CSGALNACT1: variants seen among roughly 807,000 people sequenced by gnomAD.
CSGALNACT1 encodes beta4GalNAcT-1.
CSGALNACT1 carries 52 observed loss-of-function variants against 51.0 expected under a neutral mutation model. The observed-to-expected ratio is 1.02, with a 90% CI of 0.82 to 1.29. CSGALNACT1 has a LOEUF of 1.29. Ranked by LOEUF, CSGALNACT1 falls within the 50% of genes most tolerant of loss-of-function variation. CSGALNACT1 has a pLI of 0.00. For synonymous variants in CSGALNACT1, 341 were observed against 254.4 expected, an observed-to-expected ratio of 1.34 and a Z score of -3.24; for missense variants, 935 against 679.2, an observed-to-expected ratio of 1.38 and a Z score of -4.19.
In CSGALNACT1 at chr8:19,703,645, C is replaced by A. The variant is rs145275560; in HGVS notation, c.-297+54205G>T. 2.5e-3 allele frequency among the ~76,000 whole-genome samples: 375 copies of A among 152,246 alleles called. 7 individuals carry two copies. The East Asian group carries it at 0.054, about 22-fold the overall frequency. ...TAGTGCTCCTCAGACCTTCAGGTAA[C>A]TGGAGAGTTGGTTACTACTGACTGC... On this transcript the variant is annotated intron_variant, in intron 1 of 1. Transcript: ENST00000517494.
chr8:19,703,868 T>C (rs184318336), intron 1 of CSGALNACT1, among the ~76,000 whole-genome samples: 2 of 152,284 alleles, frequency 1.3e-5, no homozygotes, highest in East Asian at 1.9e-4. Flanking sequence ...AAACTGCCCA[T>C]GCACTGGCTT....
At chr8:19,420,828 T>C (rs1175161558) in intron 6 of CSGALNACT1, among the ~76,000 whole-genome samples, 2 of 152,202 alleles carry the variant, frequency 1.3e-5, no homozygotes, top group African/African-American at 4.8e-5. Context: ...TTGAACCAGG[T>C]AAGACTAGAA....
At position 19,505,711 on chromosome 8, in the gene CSGALNACT1, G is replaced by A. The variant is rs1349315628; in HGVS notation, c.124C>T (p.Gln42Ter). The stretch of plus-strand genomic sequence containing the variant: ...CTGTTGGCCCTGGGCAGTGCCAGCT[G>A]CTCCTCGTCACCTTTTGGGGTGCAG... Residue 42 changes from glutamine (Q) to a stop codon, truncating the protein, a stop_gained, in exon 4 of 10, where the codon CAG becomes TAG. Coordinates refer to ENST00000454498, the Ensembl canonical transcript of CSGALNACT1. LOFTEE classifies it high-confidence loss of function. The A allele has an allele frequency of 1.2e-6, 2 of 1,614,202 alleles. No individual in the cohort carries two copies. The highest frequency in any genetic ancestry group is 1.7e-6 in the Non-Finnish European group (2 of 1,180,048).
chr8:19,536,323 T>G (rs2083737452), intron 3 of CSGALNACT1, among the ~76,000 whole-genome samples: 1 of 137,638 alleles, frequency 7.3e-6, no homozygotes, highest in Non-Finnish European at 1.5e-5. Context: ...TGCTCTGAAC[T>G]TCAAAATTTT....
chr8:19,677,110 C>T (rs1398837161), intron 1 of CSGALNACT1, among the ~76,000 whole-genome samples: 2 of 148,850 alleles, frequency 1.3e-5, no homozygotes, highest in African/African-American at 4.9e-5. Context: ...TTTGAGAATG[C>T]TTTTTTTTTT....
chr8:19,412,530 G>C (rs1038424758), intron 8 of CSGALNACT1, among the ~76,000 whole-genome samples: 1 of 152,170 alleles, frequency 6.6e-6, no homozygotes, highest in African/African-American at 2.4e-5. Flanking sequence ...TACTCAGGCA[G>C]AGCGCCTCCT....
intron 3 of CSGALNACT1, among the ~76,000 whole-genome samples, chr8:19,566,427 C>T (rs191485638): frequency 2.4e-4 from 37 of 152,142 alleles, no homozygotes; most frequent in Admixed American, 2.2e-3. Context: ...TTTGTTAAAA[C>T]CATAAGGTTA....
chr8:19,479,928 C>G (rs939481789), intron 4 of CSGALNACT1, among the ~76,000 whole-genome samples: 2 of 151,938 alleles, frequency 1.3e-5, no homozygotes, highest in Non-Finnish European at 2.9e-5. Flanking sequence ...ATTAAAAACC[C>G]AAGTGTGATA....
At chr8:19,539,764 A>G (rs2084651462) in intron 3 of CSGALNACT1, among the ~76,000 whole-genome samples, 1 of 152,184 alleles carries the variant, frequency 6.6e-6, no homozygotes, top group Non-Finnish European at 1.5e-5. Context: ...GGCCACATTG[A>G]CTGTGATTCT....
chr8:19,506,262 G>A (rs1389555314), intron 3 of CSGALNACT1, 132 bp from the exon 3 acceptor site: 2 of 367,870 alleles, frequency 5.4e-6, no homozygotes, highest in Admixed American at 7.2e-5. Flanking sequence ...ATTAAATATT[G>A]TTAAATGTGT....
chr8:19,540,476 C>T (rs2084843388), intron 3 of CSGALNACT1, among the ~76,000 whole-genome samples: 1 of 152,194 alleles, frequency 6.6e-6, no homozygotes, highest in African/African-American at 2.4e-5. Flanking sequence ...CACACAGTAT[C>T]TGCTTATAAA....
intron 1 of CSGALNACT1, chr8:19,732,678 A>C (rs534603179): frequency 6.6e-6 from 1 of 152,242 alleles, no homozygotes; most frequent in Non-Finnish European, 1.5e-5. Flanking sequence ...ATCCACAGAC[A>C]CTTTAGGCAA....
intron 5 of CSGALNACT1, among the ~76,000 whole-genome samples, chr8:19,446,397 T>C (rs992907624): frequency 6.6e-6 from 1 of 152,140 alleles, no homozygotes; most frequent in African/African-American, 2.4e-5. Context: ...TCCAACTTCC[T>C]AAGATCCCTC....
chr8:19,743,587 G>A (rs1157776904), intron 1 of CSGALNACT1, among the ~76,000 whole-genome samples: 1 of 152,152 alleles, frequency 6.6e-6, no homozygotes, highest in African/African-American at 2.4e-5. Context: ...GTAAGTAAGG[G>A]TTCACCACAT....
chr8:19,504,227 C>T (rs1355918603), intron 4 of CSGALNACT1, among the ~76,000 whole-genome samples: 1 of 152,166 alleles, frequency 6.6e-6, no homozygotes, highest in Non-Finnish European at 1.5e-5. Flanking sequence ...CAGGCGCCCG[C>T]CACCAGGCCC....
chr8:19,721,412 A>G (rs1164400405), intron 1 of CSGALNACT1, among the ~76,000 whole-genome samples: 1 of 152,198 alleles, frequency 6.6e-6, no homozygotes, highest in Admixed American at 6.5e-5. Flanking sequence ...TATTTTACCC[A>G]AAACACATAG....
intron 1 of CSGALNACT1, among the ~76,000 whole-genome samples, chr8:19,663,187 A>T (rs1380983866): frequency 6.6e-6 from 1 of 152,136 alleles, no homozygotes; most frequent in Non-Finnish European, 1.5e-5. Flanking sequence ...TTTCCATGGA[A>T]CAGCAGTCTA....
chr8:19,662,729 G>A (rs1393999611), intron 1 of CSGALNACT1, among the ~76,000 whole-genome samples: 1 of 152,148 alleles, frequency 6.6e-6, no homozygotes, highest in South Asian at 2.1e-4. Context: ...TTCCATCTTT[G>A]GGCAACAGTG....
intron 5 of CSGALNACT1, among the ~76,000 whole-genome samples, chr8:19,455,798 C>A (rs2063963762): frequency 6.6e-6 from 1 of 152,218 alleles, no homozygotes; most frequent in South Asian, 2.1e-4. Context: ...TGTATCTCTG[C>A]CACAGCGCCT....
Sources: allele counts gnomAD v4.1 joint callset (sites outside exome capture counted in the v4.1 genomes callset), GRCh38; gene constraint gnomAD v4.1.1; transcripts MANE v1.5; gene names NCBI Gene and HGNC (gene_info 2026-07-23, HGNC 2026-07-21).